Variants in DCAF16 observed in about 807,000 individuals in gnomAD.
The protein encoded by DCAF16 is DDB1- and CUL4-associated factor 16.
A neutral mutation model predicts 17.3 loss-of-function variants in DCAF16; 10 were observed. The observed-to-expected ratio is 0.58, with a 90% confidence interval of 0.36 to 0.98. The LOEUF is 0.98. Among genes scored for constraint, DCAF16 ranks in the 50% least tolerant of loss-of-function variants. The pLI, the probability that DCAF16 is intolerant of heterozygous loss-of-function variation, is 0.01. For synonymous variants in DCAF16, 111 were observed against 92.8 expected, an observed-to-expected ratio of 1.20 and a Z score of -1.12; for missense variants, 249 against 247.6, an observed-to-expected ratio of 1.01 and a Z score of -0.04.
At chr4:17,809,711 A>G (rs1255154125) in intron 1 of DCAF16, 1 of 152,160 alleles carries the variant, frequency 6.6e-6, no homozygotes, top group Non-Finnish European at 1.5e-5. Flanking sequence ...GACATTAACA[A>G]GAAAAAAAAC....
chr4:17,809,146 A>G (rs559506860), intron 1 of DCAF16, among the ~76,000 whole-genome samples: 7 of 152,226 alleles, frequency 4.6e-5, no homozygotes, highest in Non-Finnish European at 1.0e-4. Context: ...GGAATTAAGC[A>G]GGAGAATGGA....
At chr4:17,809,449 A>G (rs1720651884) in intron 1 of DCAF16, 1 of 152,254 alleles carries the variant, frequency 6.6e-6, no homozygotes, top group African/African-American at 2.4e-5. Context: ...TCAGGGATTT[A>G]TTCATGTCAT....
In DCAF16 at chr4:17,803,940, G is replaced by T. The variant is rs1312661605; in HGVS notation, c.202C>A (p.Pro68Thr). 1 of 1,614,108 alleles carries T rather than the reference G, an allele frequency of 6.2e-7. No homozygotes were observed. The highest frequency in any genetic ancestry group is 1.7e-5 in the Admixed American group (1 of 60,026). Residue 68 changes from proline (P) to threonine (T), a missense_variant, in exon 3 of 3, where the codon CCT becomes ACT. Transcript: ENST00000382247. ...CLLKYSTTWK[P>T]LNPNSWLYHA... ...TACAACCAGGAATTAGGATTTAAAG[G>T]TTTCCAAGTTGTGGAATATTTTAAA...
chr4:17,803,698 G>C lies in DCAF16; in HGVS notation c.444C>G (p.Ala148=). 6.2e-7 allele frequency: 1 copy of C among 1,614,198 alleles called. No individual in the cohort carries two copies. Among genetic ancestry groups the C allele is most frequent in the Non-Finnish European group, 8.5e-7 (1 of 1,180,038 alleles). ...TCAATGTTCGGCTTAGCTGTTTGGT[G>C]GCAAATTGCAGTGCTCCATTTAGAG... ...HATLNGALQF[A]TKQLSRTLSR... The change falls in exon 3 of 3, where the codon GCC becomes GCG. Residue 148 remains alanine (A), a synonymous_variant. Transcript: ENST00000382247.
downstream of DCAF16, among the ~76,000 whole-genome samples, chr4:17,800,407 T>C (rs1326564506): frequency 6.6e-6 from 1 of 152,198 alleles, no homozygotes; most frequent in Non-Finnish European, 1.5e-5. Flanking sequence ...TACCTGTTAT[T>C]TTGTGCAACC....
At chr4:17,796,566 G>A (rs1719436623), downstream of DCAF16, among the ~76,000 whole-genome samples, 1 of 152,090 alleles carries the variant, frequency 6.6e-6, no homozygotes, top group South Asian at 2.1e-4. Context: ...AATTAGCTGG[G>A]CATGGTGGTG....
Position 17,804,113 on chromosome 4 carries a change from T to A in DCAF16, c.29A>T (p.His10Leu). The A allele has an allele frequency of 6.2e-7, 1 of 1,614,008 alleles. No individual in the cohort carries two copies. The change falls in exon 3 of 3, where the codon CAC (histidine) becomes CTC (leucine). Residue 10 changes from histidine (H) to leucine (L), a missense_variant. Coordinates refer to ENST00000382247, the MANE Select transcript of DCAF16 (RefSeq NM_017741.4). Reference protein sequence around the residue: MGPRNPSPDHLSESESEEEE... With the variant: MGPRNPSPDLLSESESEEEE... ...TTCCTCACTTTCTGATTCTGACAAG[T>A]GGTCAGGAGAGGGATTTCTAGGACC...
At chr4:17,796,137 T>C (rs1004129382), downstream of DCAF16, among the ~76,000 whole-genome samples, 2 of 152,208 alleles carry the variant, frequency 1.3e-5, no homozygotes, top group East Asian at 3.8e-4. Context: ...GCTAGAGAGA[T>C]AGCTGCCTGC....
chr4:17,807,041 A>G (rs750616096), intron 1 of DCAF16, among the ~76,000 whole-genome samples: 40 of 152,216 alleles, frequency 2.6e-4, no homozygotes, highest in Non-Finnish European at 5.3e-4. Flanking sequence ...AAAAAATGAA[A>G]AGTAAAACCA....
chr4:17,801,135 CCTT>C lies in DCAF16; in HGVS notation c.*2353_*2355del, dbSNP rs1404363936. ...TATTTACACAATTTGTGATTCCTAA[CCTT>C]TTTTTTTTTTGAGACGGTGTCTCAC... On this transcript the variant is annotated 3_prime_UTR_variant, in exon 3 of 3. Coordinates refer to ENST00000382247, the MANE Select transcript of DCAF16 (RefSeq NM_017741.4). 1 of 151,730 alleles carries C rather than the reference CCTT, an allele frequency of 6.6e-6. No individual in the cohort carries two copies. Among genetic ancestry groups the C allele is most frequent in the Non-Finnish European group, 1.5e-5 (1 of 67,976 alleles). 9.4% of individuals were successfully genotyped at this position (151,730 alleles called of 1,614,324 possible).
chr4:17,803,740 G>A lies in DCAF16; in HGVS notation c.402C>T (p.Leu134=), dbSNP rs1324600765. The A allele has an allele frequency of 2.5e-6, 4 of 1,614,066 alleles. No homozygotes were observed. Among genetic ancestry groups the A allele is most frequent in the Admixed American group, 1.7e-5 (1 of 59,994 alleles). The change falls in exon 3 of 3, where the codon CTC becomes CTT. Residue 134 remains leucine, a synonymous_variant. Coordinates refer to ENST00000382247, the MANE Select transcript of DCAF16 (RefSeq NM_017741.4). Reference sequence around the variant, plus strand: ...CATTTAGAGTGGCATGATCTCTAGAGAGCCGGCTGGGACTTGTAAGAGGCT... The same window carrying A: ...CATTTAGAGTGGCATGATCTCTAGAAAGCCGGCTGGGACTTGTAAGAGGCT... ...FQKPLTSPSR[L]SRDHATLNGA...
chr4:17,799,043 T>C (rs560480304), downstream of DCAF16, among the ~76,000 whole-genome samples: 3 of 152,330 alleles, frequency 2.0e-5, no homozygotes, highest in South Asian at 6.2e-4. Flanking sequence ...TCTCAGGCTG[T>C]TCTATATGTC....
downstream of DCAF16, among the ~76,000 whole-genome samples, chr4:17,797,558 G>GT (rs1185584959): frequency 6.6e-6 from 1 of 152,194 alleles, no homozygotes; most frequent in Non-Finnish European, 1.5e-5. Flanking sequence ...ACACTTTGCA[G>GT]TAAGTCTACA....
intron 1 of DCAF16, among the ~76,000 whole-genome samples, chr4:17,807,698 G>A (rs1245193103): frequency 6.6e-6 from 1 of 152,238 alleles, no homozygotes; most frequent in Non-Finnish European, 1.5e-5. Flanking sequence ...CTGGTAAAAT[G>A]TGGAAACACA....
rs1488547755 is a variant in DCAF16, at chr4:17,800,972, G to A, written c.*2519C>T. The stretch of plus-strand genomic sequence containing the variant: ...TCAGTTACACTAACAATATGATATG[G>A]TTTCAGGTCAATAATTTCCACTAAC... On this transcript the variant is annotated 3_prime_UTR_variant, in exon 3 of 3. Transcript: ENST00000382247. 1 of 152,268 alleles carries A rather than the reference G, an allele frequency of 6.6e-6. No homozygotes were observed. Among genetic ancestry groups the A allele is most frequent in the Non-Finnish European group, 1.5e-5 (1 of 68,016 alleles). 9.4% of individuals were successfully genotyped at this position (152,268 alleles called of 1,614,324 possible).
chr4:17,808,710 G>A (rs978826285), intron 1 of DCAF16, among the ~76,000 whole-genome samples: 1 of 152,222 alleles, frequency 6.6e-6, no homozygotes, highest in African/African-American at 2.4e-5. Flanking sequence ...TGTCTCTGTT[G>A]GTGAGACAGC....
At chr4:17,807,146 T>C (rs915469119) in intron 1 of DCAF16, among the ~76,000 whole-genome samples, 1 of 152,158 alleles carries the variant, frequency 6.6e-6, no homozygotes, top group African/African-American at 2.4e-5. Flanking sequence ...GTTAGTTAAA[T>C]ATAATACAGA....
intron 1 of DCAF16, among the ~76,000 whole-genome samples, chr4:17,808,757 G>T (rs906490340): frequency 6.6e-6 from 1 of 152,316 alleles, no homozygotes; most frequent in South Asian, 2.1e-4. Context: ...AGCCGGGCGC[G>T]GTGGCTCACG....
At chr4:17,805,971 C>A (rs924447649) in intron 1 of DCAF16, among the ~76,000 whole-genome samples, 1 of 152,080 alleles carries the variant, frequency 6.6e-6, no homozygotes, top group Non-Finnish European at 1.5e-5. Flanking sequence ...TTCTCTACAA[C>A]AACAACAACA....
Sources: gnomAD v4.1 joint callset for allele counts (sites outside exome capture counted in the v4.1 genomes callset) on GRCh38, gnomAD v4.1.1 for gene constraint, MANE v1.5 for transcripts, NCBI Gene and HGNC (gene_info 2026-07-23, HGNC 2026-07-21) for gene names.